RUNX1: variants seen among roughly 807,000 people sequenced by gnomAD.
RUNX1 encodes the protein runt-related transcription factor 1.
Under a neutral mutation model 42.8 loss-of-function variants are expected in RUNX1, and 19 were observed. That is an observed-to-expected ratio of 0.44 (90% confidence interval 0.31 to 0.65). The LOEUF is 0.65. Ranked by LOEUF, RUNX1 falls within the 30% of genes least tolerant of loss-of-function variation. RUNX1 has a pLI of 0.07. For missense variants in RUNX1, 528 were observed against 672.0 expected (o/e 0.79, Z 2.37); for synonymous variants, 271 against 289.4 (o/e 0.94, Z 0.64).
intron 2 of RUNX1, chr21:35,038,691 G>A: frequency 2.2e-6 from 1 of 455,690 alleles, no homozygotes; most frequent in Middle Eastern, 3.3e-4. Flanking sequence ...TCTCCTGAGA[G>A]GCCACTTCTG....
At chr21:34,853,764 T>C (rs1021624678) in intron 6 of RUNX1, among the ~76,000 whole-genome samples, 1 of 151,948 alleles carries the variant, frequency 6.6e-6, no homozygotes, top group Non-Finnish European at 1.5e-5. Flanking sequence ...AGGTCCATTA[T>C]CACCACCAGT....
chr21:34,930,354 G>T (rs1226978488), intron 2 of RUNX1, among the ~76,000 whole-genome samples: 1 of 148,858 alleles, frequency 6.7e-6, no homozygotes, highest in Non-Finnish European at 1.5e-5. Flanking sequence ...CTAGACTCTG[G>T]TTCTTTTATC....
At position 34,961,795 on chromosome 21, in the gene RUNX1, T is replaced by A. The variant is rs115977558; in HGVS notation, c.59-68832A>T. On this transcript the variant is annotated intron_variant, in intron 2 of 8. Transcript: ENST00000675419. ...GCATATTTGGTGTTGAAGGATTGAT[T>A]CCTATTTTTCAGTAAATTATGTCTC... 5.5e-3 allele frequency among the ~76,000 whole-genome samples: 841 copies of A among 152,314 alleles called. 8 individuals are homozygous for A. The highest frequency in any genetic ancestry group is 0.019 in the African/African-American group (788 of 41,570).
intron 8 of RUNX1, among the ~76,000 whole-genome samples, chr21:34,796,976 T>G (rs1206197468): frequency 2.0e-5 from 3 of 152,180 alleles, no homozygotes; most frequent in Non-Finnish European, 4.4e-5. Context: ...GCTGTCGGGC[T>G]GGATTAAAAG....
intron 7 of RUNX1, among the ~76,000 whole-genome samples, chr21:34,815,373 A>G (rs2056811314): frequency 1.3e-5 from 2 of 152,152 alleles, no homozygotes; most frequent in Admixed American, 1.3e-4. Context: ...GGGACTGGGG[A>G]AGGTTCCTTG....
At chr21:34,932,178 CTTTTT>C (rs2058452281) in intron 2 of RUNX1, among the ~76,000 whole-genome samples, 1 of 151,988 alleles carries the variant, frequency 6.6e-6, no homozygotes, top group Non-Finnish European at 1.5e-5. Flanking sequence ...GAGTTGTATT[CTTTTT>C]ATCTGTTTTC....
intron 5 of RUNX1, among the ~76,000 whole-genome samples, chr21:34,874,251 T>G (rs2057781314): frequency 6.6e-6 from 1 of 151,902 alleles, no homozygotes; most frequent in East Asian, 1.9e-4. Flanking sequence ...ATATGATTAT[T>G]CATAAACATC....
At chr21:34,968,946 T>G (rs114825715) in intron 2 of RUNX1, among the ~76,000 whole-genome samples, 3,173 of 152,236 alleles carry the variant, frequency 0.021, 112 homozygotes, top group African/African-American at 0.072. Context: ...TCTGCAATAG[T>G]TCTTGGAGTG....
At chr21:34,940,990 T>C (rs574184478) in intron 2 of RUNX1, among the ~76,000 whole-genome samples, 1 of 152,356 alleles carries the variant, frequency 6.6e-6, no homozygotes, top group East Asian at 1.9e-4. Context: ...ATCTTGTCAC[T>C]GCCATAGAAG....
intron 6 of RUNX1, among the ~76,000 whole-genome samples, chr21:34,849,296 A>C (rs538303119): frequency 1.0e-3 from 41 of 39,928 alleles, no homozygotes; most frequent in Middle Eastern, 7.4e-3. Context: ...ATTATATATA[A>C]AATATATAAT....
chr21:34,952,600 TC>T (rs2058616906), intron 2 of RUNX1, among the ~76,000 whole-genome samples: 1 of 152,114 alleles, frequency 6.6e-6, no homozygotes, highest in Admixed American at 6.6e-5. Context: ...ATTCTACAGC[TC>T]TCTTATTTAA....
chr21:35,033,654 C>T (rs549184293), intron 2 of RUNX1, among the ~76,000 whole-genome samples: 1 of 152,174 alleles, frequency 6.6e-6, no homozygotes, highest in African/African-American at 2.4e-5. Context: ...GGAGAAGTGA[C>T]CTCCCAGAGA....
Position 34,886,854 on chromosome 21 carries a change from T to C in RUNX1, c.340A>G (p.Ile114Val), listed in dbSNP as rs2146407952. Residue 114 changes from isoleucine to valine, a missense_variant, in exon 4 of 9, where the codon ATC (isoleucine) becomes GTC (valine). Ile to Val is a conservative substitution (Grantham distance 29, BLOSUM62 3). Around this residue, in one of 3 missense-constraint regions of RUNX1, gnomAD observed 83 missense variants for 174.5 expected, o/e 0.48. Coordinates refer to ENST00000675419, the MANE Select transcript of RUNX1 (RefSeq NM_001754.5). ...THWRCNKTLP[I>V]AFKVVALGDV... ...CTCCGGGCCAGTACCTTGAAAGCGA[T>C]GGGCAGGGTCTTGTTGCAGCGCCAG... 3 of 1,613,364 alleles carry C rather than the reference T, an allele frequency of 1.9e-6. No individual in the cohort carries two copies. Among genetic ancestry groups the C allele is most frequent in the East Asian group, 2.2e-5 (1 of 44,850 alleles).
chr21:34,930,299 T>TATATATATATATAA (rs1297231112), intron 2 of RUNX1, among the ~76,000 whole-genome samples: 1 of 143,712 alleles, frequency 7.0e-6, no homozygotes, highest in Non-Finnish European at 1.5e-5. Context: ...TATAAATAAA[T>TATATATATATATAA]AAATAAAATT....
intron 2 of RUNX1, among the ~76,000 whole-genome samples, chr21:34,905,104 C>A (rs1214539338): frequency 6.6e-6 from 1 of 152,146 alleles, no homozygotes; most frequent in Non-Finnish European, 1.5e-5. Flanking sequence ...ACACATAGTG[C>A]CCAGACACCG....
chr21:34,945,865 C>T (rs1445173665), intron 2 of RUNX1, among the ~76,000 whole-genome samples: 2 of 152,178 alleles, frequency 1.3e-5, no homozygotes, highest in Non-Finnish European at 2.9e-5. Flanking sequence ...TCTCTTCAGA[C>T]TCCAGTCCCA....
intron 2 of RUNX1, among the ~76,000 whole-genome samples, chr21:34,939,387 A>G (rs1384126273): frequency 6.6e-6 from 1 of 152,228 alleles, no homozygotes; most frequent in African/African-American, 2.4e-5. Context: ...GTGTAGCTTT[A>G]TCTACTACTA....
chr21:34,844,268 G>A (rs114302972), intron 6 of RUNX1, among the ~76,000 whole-genome samples: 4,295 of 152,274 alleles, frequency 0.028, 68 homozygotes, highest in African/African-American at 0.044. Context: ...CTCACAGAAC[G>A]CTGCCTGGAG....
chr21:34,830,405 G>A (rs1223736275), intron 7 of RUNX1, among the ~76,000 whole-genome samples: 2 of 152,016 alleles, frequency 1.3e-5, no homozygotes, highest in Non-Finnish European at 2.9e-5. Context: ...GTTTATTAAG[G>A]TGCCCACCAC....
Sources: allele counts gnomAD v4.1 joint callset (sites outside exome capture counted in the v4.1 genomes callset), GRCh38; gene constraint gnomAD v4.1.1; regional missense constraint gnomAD v4.1.1; transcripts MANE v1.5; gene names NCBI Gene and HGNC (gene_info 2026-07-23, HGNC 2026-07-21).